DOCK3: variants seen among roughly 807,000 people sequenced by gnomAD.
The protein encoded by DOCK3 is dedicator of cytokinesis protein 3.
DOCK3 carries 60 observed loss-of-function variants against 265.6 expected under a neutral mutation model. The ratio of observed to expected loss-of-function variants is 0.23; its 90% confidence interval spans 0.18 to 0.28. The LOEUF (loss-of-function observed/expected upper bound fraction) is 0.28, where lower values mean the gene tolerates loss of function less well. Ranked by LOEUF, DOCK3 falls within the 10% of genes least tolerant of loss-of-function variation. DOCK3 has a pLI of 1.00. For missense variants in DOCK3, 1,981 were observed against 2,594.3 expected, an observed-to-expected ratio of 0.76 and a Z score of 5.14; for synonymous variants, 881 against 938.0, an observed-to-expected ratio of 0.94 and a Z score of 1.11.
chr3:51,365,874 C>T (rs1032510842), intron 49 of DOCK3, among the ~76,000 whole-genome samples: 1 of 152,160 alleles, frequency 6.6e-6, no homozygotes, highest in African/African-American at 2.4e-5. Context: ...TGATGTGCTG[C>T]TGGATTCAGT....
chr3:50,916,846 C>CAA (rs397877086), intron 4 of DOCK3, among the ~76,000 whole-genome samples: 6 of 77,116 alleles, frequency 7.8e-5, no homozygotes, highest in South Asian at 4.7e-4. Flanking sequence ...GACTCCGTTT[C>CAA]AAAAAAAAAA....
At chr3:51,190,984 A>C (rs1480570415) in intron 12 of DOCK3, among the ~76,000 whole-genome samples, 1 of 152,184 alleles carries the variant, frequency 6.6e-6, no homozygotes, top group Non-Finnish European at 1.5e-5. Context: ...AGATTTCGGA[A>C]GGAATGGAAA....
At chr3:51,247,394 G>A (rs1370629738) in intron 22 of DOCK3, among the ~76,000 whole-genome samples, 1 of 152,078 alleles carries the variant, frequency 6.6e-6, no homozygotes, top group Non-Finnish European at 1.5e-5. Context: ...AATTGACAGG[G>A]GACTGTTCTC....
chr3:50,804,435 C>G (rs559403146), intron 2 of DOCK3, among the ~76,000 whole-genome samples: 4 of 152,272 alleles, frequency 2.6e-5, no homozygotes, highest in Admixed American at 2.6e-4. Context: ...TCACTGCACT[C>G]CAGCCTGGGC....
intron 5 of DOCK3, among the ~76,000 whole-genome samples, chr3:50,942,149 G>A (rs911813370): frequency 6.6e-6 from 1 of 151,936 alleles, no homozygotes; most frequent in Non-Finnish European, 1.5e-5. Context: ...GGCAAGTCCT[G>A]GTGAATATCA....
chr3:51,335,470 G>A (rs995998877), intron 35 of DOCK3, among the ~76,000 whole-genome samples: 12 of 152,216 alleles, frequency 7.9e-5, no homozygotes, highest in African/African-American at 1.4e-4. Flanking sequence ...TTACCTTTCC[G>A]TGCACACATT....
At position 51,007,637 on chromosome 3, in the gene DOCK3, T is replaced by A. The variant is rs1227491161; in HGVS notation, c.316-56811T>A. 1.2e-4 allele frequency among the ~76,000 whole-genome samples: 18 copies of A among 152,290 alleles called. No individual in the cohort carries two copies. The East Asian group carries it at 3.5e-3, about 29-fold the overall frequency. On this transcript the variant is annotated intron_variant, in intron 5 of 52. Coordinates refer to ENST00000266037, the MANE Select transcript of DOCK3 (RefSeq NM_004947.5). ...CTCTTTAGTTTAATTAGATCCCATT[T>A]GTCAATTTTGGCTTTTGTTGCCATT...
intron 9 of DOCK3, among the ~76,000 whole-genome samples, chr3:51,105,262 A>G (rs553046943): frequency 7.2e-5 from 11 of 152,336 alleles, no homozygotes; most frequent in Admixed American, 3.3e-4. Flanking sequence ...GGGGCCTGGC[A>G]TAGTCATCTT....
intron 5 of DOCK3, among the ~76,000 whole-genome samples, chr3:50,994,023 G>A (rs1423884722): frequency 6.6e-6 from 1 of 152,000 alleles, no homozygotes; most frequent in Admixed American, 6.6e-5. Context: ...GGAGTCTGCA[G>A]GGAACCACAA....
intron 3 of DOCK3, among the ~76,000 whole-genome samples, chr3:50,857,928 G>A (rs552860687): frequency 1.3e-5 from 2 of 152,260 alleles, no homozygotes; most frequent in East Asian, 1.9e-4. Flanking sequence ...CCATTACTGG[G>A]TGTATACCCA....
At chr3:51,356,599 C>A in intron 43 of DOCK3, 106 bp downstream of exon 43, 2 of 1,173,424 alleles carry the variant, frequency 1.7e-6, no homozygotes, top group Non-Finnish European at 2.5e-6. Flanking sequence ...CGGCCACCTG[C>A]CTGGCCAAGG....
chr3:50,677,949 C>G (rs951481953), intron 1 of DOCK3, among the ~76,000 whole-genome samples: 6 of 152,058 alleles, frequency 3.9e-5, no homozygotes, highest in African/African-American at 1.5e-4. Flanking sequence ...TTCTGAGGGT[C>G]AGTGATAGGC....
At chr3:51,268,352 A>T (rs1318816823) in intron 23 of DOCK3, among the ~76,000 whole-genome samples, 1 of 152,206 alleles carries the variant, frequency 6.6e-6, no homozygotes, top group Non-Finnish European at 1.5e-5. Flanking sequence ...CTGCCTGGCC[A>T]GCTAATCTGT....
intron 12 of DOCK3, among the ~76,000 whole-genome samples, chr3:51,200,165 A>G (rs2088622462): frequency 6.6e-6 from 1 of 152,100 alleles, no homozygotes; most frequent in African/African-American, 2.4e-5. Context: ...CTCACCAACA[A>G]TGGAACAAAG....
intron 5 of DOCK3, among the ~76,000 whole-genome samples, chr3:50,948,673 C>T (rs1246649823): frequency 6.7e-6 from 1 of 149,756 alleles, no homozygotes; most frequent in Non-Finnish European, 1.5e-5. Context: ...GAGACCAAGT[C>T]TCACTATGTT....
chr3:51,016,593 A>G (rs2079274598), intron 5 of DOCK3, among the ~76,000 whole-genome samples: 1 of 83,780 alleles, frequency 1.2e-5, no homozygotes, highest in Non-Finnish European at 2.0e-5. Context: ...ATCATATATT[A>G]TATATGATAT....
At chr3:51,375,521 G>A (rs2088036479) in intron 50 of DOCK3, among the ~76,000 whole-genome samples, 1 of 152,158 alleles carries the variant, frequency 6.6e-6, no homozygotes, top group South Asian at 2.1e-4. Flanking sequence ...GATACTGGAG[G>A]ATGGTATTGC....
At chr3:50,834,590 C>G (rs758517638) in intron 2 of DOCK3, among the ~76,000 whole-genome samples, 1 of 151,984 alleles carries the variant, frequency 6.6e-6, no homozygotes, top group Non-Finnish European at 1.5e-5. Context: ...CTTAGGTGAC[C>G]TAATAGCTAA....
intron 35 of DOCK3, among the ~76,000 whole-genome samples, chr3:51,335,402 C>T (rs2084793632): frequency 6.6e-6 from 1 of 152,222 alleles, no homozygotes; most frequent in Admixed American, 6.5e-5. Context: ...GCTGTGTTCT[C>T]TCCCAAGAGT....
Sources: allele counts gnomAD v4.1 joint callset (sites outside exome capture counted in the v4.1 genomes callset), GRCh38; gene constraint gnomAD v4.1.1; transcripts MANE v1.5; gene names NCBI Gene and HGNC (gene_info 2026-07-23, HGNC 2026-07-21).